EEF1B2: variants seen among roughly 807,000 people sequenced by gnomAD.
EEF1B2 encodes the protein eukaryotic translation elongation factor 1 beta 2, also known as elongation factor 1-beta.
In EEF1B2, 12 loss-of-function variants were observed where a neutral mutation model predicts 28.3. The observed-to-expected ratio is 0.42, with a 90% CI of 0.27 to 0.69. EEF1B2 has a LOEUF of 0.69. Ranked by LOEUF, EEF1B2 falls within the 30% of genes least tolerant of loss-of-function variation. The pLI is 0.22. For missense variants in EEF1B2, 234 were observed against 272.6 expected, an observed-to-expected ratio of 0.86 and a Z score of 1.00; for synonymous variants, 83 against 99.9, an observed-to-expected ratio of 0.83 and a Z score of 1.01.
intron 2 of EEF1B2, 141 bp downstream of exon 2, chr2:206,160,851 C>T (rs765362634): frequency 2.3e-6 from 3 of 1,296,542 alleles, no homozygotes; most frequent in South Asian, 1.2e-5. Flanking sequence ...CTTAGAAGGC[C>T]AAGAGACTGA....
intron 2 of EEF1B2, 43 bp downstream of exon 2, chr2:206,160,753 C>G: frequency 6.2e-7 from 1 of 1,613,380 alleles, no homozygotes; most frequent in Non-Finnish European, 8.5e-7. Context: ...AGACTGCTCT[C>G]GAAGTTTATC....
chr2:206,159,752 T>A (rs1687841718), upstream of EEF1B2: 1 of 505,454 alleles, frequency 2.0e-6, no homozygotes, highest in Non-Finnish European at 3.6e-6. Flanking sequence ...CATGGACAAT[T>A]TGTGGGCCAT....
chr2:206,161,830 C>T, intron 3 of EEF1B2: 1 of 737,404 alleles, frequency 1.4e-6, no homozygotes, highest in East Asian at 2.6e-5. Context: ...GCCAAATTGC[C>T]TGGATTTGAA....
intron 2 of EEF1B2, 167 bp from the exon 3 acceptor site, chr2:206,161,179 T>G (rs1687918251): frequency 1.2e-6 from 1 of 803,514 alleles, no homozygotes. Flanking sequence ...GCTTGTCGGG[T>G]GAGGAGTTGA....
chr2:206,159,851 A>G (rs1394679471), upstream of EEF1B2: 1 of 1,039,886 alleles, frequency 9.6e-7, no homozygotes, highest in East Asian at 2.7e-5. Context: ...GGTGGAGGGA[A>G]ACGCCTCCGT....
chr2:206,161,562 C>G, intron 3 of EEF1B2, 90 bp downstream of exon 3: 2 of 1,556,340 alleles, frequency 1.3e-6, no homozygotes, highest in South Asian at 2.2e-5. Flanking sequence ...GCGGGTGGAT[C>G]ACGAGGTCAG....
chr2:206,162,184 C>T (rs751740763), intron 4 of EEF1B2, 80 bp downstream of exon 4: 10 of 1,405,714 alleles, frequency 7.1e-6, no homozygotes, highest in Non-Finnish European at 1.0e-5. Flanking sequence ...TAATTTCCTC[C>T]ACATTCCTTG....
intron 3 of EEF1B2, 37 bp downstream of exon 3, chr2:206,161,509 G>T (rs989837831): frequency 6.2e-7 from 1 of 1,609,408 alleles, no homozygotes; most frequent in Non-Finnish European, 8.5e-7. Flanking sequence ...TCGGCCAGGC[G>T]CAGTGGCTCA....
At chr2:206,160,480 T>A in intron 1 of EEF1B2, 108 bp from the exon 2 acceptor site, 1 of 1,574,050 alleles carries the variant, frequency 6.4e-7, no homozygotes, top group South Asian at 1.2e-5. Context: ...AAAGCAACCC[T>A]GCTGGGGTTA....
chr2:206,159,956 CA>C lies in EEF1B2; in HGVS notation c.-23del. 6.2e-7 allele frequency: 1 copy of C among 1,608,582 alleles called. No individual in the cohort carries two copies. The highest frequency in any genetic ancestry group is 8.5e-7 in the Non-Finnish European group (1 of 1,178,476). On this transcript the variant is annotated 5_prime_UTR_variant, in exon 1 of 6. Transcript: ENST00000392222. ...TGCGCGCTCTCTTTCTGCTGCTCCC[CA>C]GCTCTCGGATACAGCCGACACCATG... is the stretch of plus-strand genomic sequence containing the variant.
chr2:206,161,997 C>A (rs761518531), intron 3 of EEF1B2, 41 bp from the exon 4 acceptor site: 4 of 1,575,116 alleles, frequency 2.5e-6, no homozygotes, highest in Non-Finnish European at 8.7e-7. Context: ...AGCAGAGGAA[C>A]AACCAGCTTT....
At position 206,161,486 on chromosome 2, in the gene EEF1B2, T is replaced by C; in HGVS notation, c.330+14T>C. 1 of 1,613,318 alleles carries C rather than the reference T, an allele frequency of 6.2e-7. No individual in the cohort carries two copies. The highest frequency in any genetic ancestry group is 1.1e-5 in the South Asian group (1 of 91,046). ...GATGATGAGGAGGTATGGCGTCTTCTATAAAGAACATATCGGCCAGGCGCA... is the reference window on the plus strand; with the variant it reads ...GATGATGAGGAGGTATGGCGTCTTCCATAAAGAACATATCGGCCAGGCGCA... On this transcript the variant is annotated intron_variant, in intron 3 of 5. Transcript: ENST00000392222.
intron 1 of EEF1B2, 104 bp from the exon 2 acceptor site, chr2:206,160,484 G>A: frequency 6.3e-7 from 1 of 1,577,754 alleles, no homozygotes; most frequent in Non-Finnish European, 8.6e-7. Flanking sequence ...CAACCCTGCT[G>A]GGGTTAGTGC....
intron 2 of EEF1B2, 145 bp from the exon 3 acceptor site, chr2:206,161,199 AGT>A (rs1452172905): frequency 2.9e-6 from 3 of 1,048,944 alleles, no homozygotes; most frequent in Non-Finnish European, 4.2e-6. Context: ...AACATATGAC[AGT>A]GTTTACCTGG....
At chr2:206,162,176 A>G (rs1687953790) in intron 4 of EEF1B2, 72 bp downstream of exon 4, 2 of 1,455,460 alleles carry the variant, frequency 1.4e-6, no homozygotes, top group Admixed American at 1.7e-5. Flanking sequence ...CCTTGAAGTA[A>G]TTTCCTCCAC....
chr2:206,160,101 C>T (rs756177760), intron 1 of EEF1B2, 42 bp downstream of exon 1: 4 of 1,597,634 alleles, frequency 2.5e-6, no homozygotes, highest in African/African-American at 1.4e-5. Flanking sequence ...GAGGTTTCTC[C>T]GCCCGGGGCC....
chr2:206,161,766 C>CT (rs142413994), intron 3 of EEF1B2: 129,029 of 482,102 alleles, frequency 0.27, 11,315 homozygotes, highest in African/African-American at 0.48. Flanking sequence ...GAGACTCCGT[C>CT]CCAAAAAAAA....
In EEF1B2 at chr2:206,160,002, G is replaced by T. The variant is rs750106448; in HGVS notation, c.23G>T (p.Ser8Ile). The T allele has an allele frequency of 1.2e-6, 2 of 1,613,196 alleles. No individual in the cohort carries two copies. The highest frequency in any genetic ancestry group is 1.7e-6 in the Non-Finnish European group (2 of 1,179,778). MGFGDLKSPAGLQVLNDY... is the reference protein window; with the variant it reads MGFGDLKIPAGLQVLNDY... The stretch of plus-strand genomic sequence containing the variant: ...ACCATGGGTTTCGGAGACCTGAAAA[G>T]CCCTGCCGGCCTCCAGGTGCTCAAC... The change falls in exon 1 of 6, where the codon AGC (serine) becomes ATC (isoleucine). Residue 8 changes from serine (S) to isoleucine (I), a missense_variant. By Grantham distance (142) the Ser-to-Ile change is moderately radical (BLOSUM62 -2). Around this residue, in one of 2 missense-constraint regions of EEF1B2, gnomAD observed 178 missense variants for 173.3 expected, o/e 1.03. Transcript: ENST00000392222.
intron 2 of EEF1B2, 188 bp downstream of exon 2, chr2:206,160,898 A>G (rs1462477196): frequency 6.6e-6 from 6 of 912,910 alleles, no homozygotes; most frequent in Non-Finnish European, 1.0e-5. Context: ...TAGAACATGG[A>G]CAGCAGCAAT....
Sources: gnomAD v4.1 joint callset for allele counts on GRCh38, gnomAD v4.1.1 for gene constraint, gnomAD v4.1.1 regional missense constraint, MANE v1.5 for transcripts, NCBI Gene and HGNC (gene_info 2026-07-23, HGNC 2026-07-21) for gene names.